The following KEAP1 variants were observed in gnomAD, a reference collection of about 807,000 sequenced individuals.
KEAP1 encodes kelch like ECH associated protein 1.
In KEAP1, 26 loss-of-function variants were observed where a neutral mutation model predicts 59.7. The ratio of observed to expected loss-of-function variants is 0.44; its 90% CI spans 0.32 to 0.60. The LOEUF (loss-of-function observed/expected upper bound fraction) is 0.60. KEAP1 is among the 20% of genes least tolerant of loss of function. The pLI, the probability that KEAP1 is intolerant of heterozygous loss-of-function variation, is 0.06. For missense variants in KEAP1, 539 were observed against 871.4 expected, an observed-to-expected ratio of 0.62 and a Z score of 4.80; for synonymous variants, 350 against 358.3, an observed-to-expected ratio of 0.98 and a Z score of 0.26.
At position 10,489,477 on chromosome 19, in the gene KEAP1, A is replaced by G. The variant is rs920156671; in HGVS notation, c.1532-109T>C. 3.1e-6 allele frequency: 4 copies of G among 1,294,456 alleles called. No homozygotes were observed. In the African/African-American group the frequency reaches 5.9e-5, roughly 19 times the overall value. 80.2% of individuals were successfully genotyped at this position (1,294,456 alleles called of 1,614,324 possible). A position where few individuals can be genotyped will look rare whatever the true frequency, so the allele number is the denominator to read the frequency against. On this transcript the variant is annotated intron_variant, in intron 4 of 5. Transcript: ENST00000171111. ...CTCTCTCCTCTCCCTTCTCACCCTC[A>G]GAAATGAAGCGGGGAGAGAGAGAAG...
chr19:10,488,785 G>A (rs1914562237), intron 5 of KEAP1, among the ~76,000 whole-genome samples: 1 of 151,752 alleles, frequency 6.6e-6, no homozygotes, highest in African/African-American at 2.4e-5. Flanking sequence ...CAAAAAATTA[G>A]CCTGGTGTGG....
chr19:10,493,803 C>G (rs1703586926), intron 2 of KEAP1, among the ~76,000 whole-genome samples: 1 of 151,664 alleles, frequency 6.6e-6, no homozygotes, highest in African/African-American at 2.4e-5. Flanking sequence ...CCTCGTGATC[C>G]GCCCGCCTCG....
intron 4 of KEAP1, 98 bp from the exon 5 acceptor site, chr19:10,489,466 T>G (rs910247017): frequency 8.3e-6 from 11 of 1,329,750 alleles, no homozygotes; most frequent in Middle Eastern, 1.9e-4. Flanking sequence ...CTCCTCTCCC[T>G]TCTCACCCTC....
chr19:10,489,949 T>C (rs1029963059), intron 3 of KEAP1, 96 bp from the exon 4 acceptor site: 50 of 1,220,672 alleles, frequency 4.1e-5, no homozygotes, highest in Middle Eastern at 2.0e-4. Context: ...CTTTTTTTTT[T>C]CCCCCTTAAA....
intron 3 of KEAP1, among the ~76,000 whole-genome samples, chr19:10,490,068 A>G (rs1914617072): frequency 6.6e-6 from 1 of 151,972 alleles, no homozygotes; most frequent in Admixed American, 6.6e-5. Flanking sequence ...CCTGGCCAAC[A>G]TGGTAAAAAC....
At position 10,491,868 on chromosome 19, in the gene KEAP1, T is replaced by C. The variant is rs745523537; in HGVS notation, c.1034A>G (p.Tyr345Cys). ...GAGCCAGGTGCCGTCACTGGGGTTG[T>C]AAGCCTCCAGGTAGCTGAGCGACTG... Reference protein sequence around the residue: ...FRQSLSYLEAYNPSDGTWLRL... With the variant: ...FRQSLSYLEACNPSDGTWLRL... The change falls in exon 3 of 6, where the codon TAC becomes TGC. Residue 345 changes from tyrosine to cysteine, a missense_variant. Physicochemically the swap from Tyr to Cys is radical, Grantham distance 194 (BLOSUM62 -2). Transcript: ENST00000171111. This position sits in a 1 kb window ranked among gnomAD's most constrained non-coding sequence, Gnocchi z 5.2. 8 of 1,612,796 alleles carry C rather than the reference T, an allele frequency of 5.0e-6. No individual in the cohort carries two copies. The highest frequency in any genetic ancestry group is 6.8e-6 in the Non-Finnish European group (8 of 1,179,572).
At chr19:10,489,576 G>A (rs1914597013) in intron 4 of KEAP1, 72 bp downstream of exon 4, 3 of 1,542,350 alleles carry the variant, frequency 1.9e-6, no homozygotes, top group Non-Finnish European at 2.7e-6. Flanking sequence ...TCTCTCCCAG[G>A]CCTGGCTCAG....
Position 10,499,441 on chromosome 19 carries a change from T to G in KEAP1, c.593A>C (p.Glu198Ala), listed in dbSNP as rs1238195929. 6.8e-6 allele frequency: 11 copies of G among 1,613,828 alleles called. No individual in the cohort carries two copies. The highest frequency in any genetic ancestry group is 1.7e-5 in the Admixed American group (1 of 59,944). The change falls in exon 2 of 6, where the codon GAG (glutamate) becomes GCG (alanine). Residue 198 changes from glutamate (E) to alanine (A), a missense_variant. Coordinates refer to ENST00000171111, the MANE Select transcript of KEAP1 (RefSeq NM_203500.2). This position sits in a 1 kb window ranked among gnomAD's most constrained non-coding sequence, Gnocchi z 6.7. ...GTACTCCCGGGCACGCTGGTGCAAC[T>G]CCACACAGCCAATCTGCTCAGCGAA... ...ANFAEQIGCVELHQRAREYIY... is the reference protein window; with the variant it reads ...ANFAEQIGCVALHQRAREYIY...
chr19:10,499,990 C>A lies in KEAP1; in HGVS notation c.44G>T (p.Arg15Leu), dbSNP rs144429440. 1.3e-6 allele frequency: 2 copies of A among 1,579,316 alleles called. No individual in the cohort carries two copies. Among genetic ancestry groups the A allele is most frequent in the South Asian group, 2.3e-5 (2 of 87,570 alleles). The part of the protein sequence containing the change: ...PRPSGAGACC[R>L]FLPLQSQCPE... ...GCACTGTGACTGCAGGGGCAGGAAT[C>A]GGCAGCAGGCCCCAGCCCCGCTAGG... Residue 15 changes from arginine to leucine, a missense_variant, in exon 2 of 6, where the codon CGA (arginine) becomes CTA (leucine). Arg to Leu is a moderately radical substitution (Grantham distance 102, BLOSUM62 -2). Around this residue, in one of 4 missense-constraint regions of KEAP1, gnomAD observed 166 missense variants for 295.8 expected, o/e 0.56. Coordinates refer to ENST00000171111, the MANE Select transcript of KEAP1 (RefSeq NM_203500.2). This position sits in a 1 kb window ranked among gnomAD's most constrained non-coding sequence, Gnocchi z 6.7.
intron 2 of KEAP1, 32 bp from the exon 3 acceptor site, chr19:10,492,294 C>T (rs1296736665): frequency 6.5e-7 from 1 of 1,539,572 alleles, no homozygotes; most frequent in Admixed American, 1.7e-5. Context: ...CGGGCTGACT[C>T]TCCAGTCACC....
rs368633144 is a variant in KEAP1 at position 10,499,388 on chromosome 19, C to T, written c.639+7G>A. 55 of 1,574,722 alleles carry T rather than the reference C, an allele frequency of 3.5e-5. No individual in the cohort carries two copies. The Admixed American group carries it at 3.9e-4, about 11-fold the overall frequency. The stretch of plus-strand genomic sequence containing the variant: ...GACACTGCCCCCAGCCCCACTTCCC[C>T]GCTCACCTCCCCAAAATGCATGTAG... On this transcript the variant is annotated splice_region_variant and intron_variant, in intron 2 of 5. Coordinates refer to ENST00000171111, the MANE Select transcript of KEAP1 (RefSeq NM_203500.2). The surrounding 1 kb of genome is among the most constrained non-coding windows in gnomAD (Gnocchi z 6.7).
chr19:10,492,405 G>C (rs1599484900), intron 2 of KEAP1, 143 bp from the exon 3 acceptor site: 1 of 661,568 alleles, frequency 1.5e-6, no homozygotes. Flanking sequence ...AATAGGAACC[G>C]CGTACATTGT....
At chr19:10,489,084 A>C (rs1914575377) in intron 5 of KEAP1, 108 bp downstream of exon 5, 1 of 948,536 alleles carries the variant, frequency 1.1e-6, no homozygotes. Context: ...ACAGAGCGAG[A>C]CCTTGTTTCT....
chr19:10,486,925 G>GAGCCACCACGCCC, intron 5 of KEAP1, 107 bp from the exon 6 acceptor site: 2 of 1,195,970 alleles, frequency 1.7e-6, no homozygotes, highest in Non-Finnish European at 2.3e-6. Context: ...GGCCGGGCGT[G>GAGCCACCACGCCC]GTGGCTCACG....
intron 4 of KEAP1, 23 bp from the exon 5 acceptor site, chr19:10,489,391 G>T (rs1914591283): frequency 6.3e-7 from 1 of 1,599,230 alleles, no homozygotes; most frequent in South Asian, 1.1e-5. Context: ...ATGCAGAGAA[G>T]GTGACTCTGG....
chr19:10,500,076 G>A lies in KEAP1; in HGVS notation c.-43C>T, dbSNP rs551222060. 6.6e-7 allele frequency: 1 copy of A among 1,514,602 alleles called. No homozygotes were observed. The highest frequency in any genetic ancestry group is 2.2e-5 in the Admixed American group (1 of 45,124). The allele number at this position is 1,514,602 out of a possible 1,614,324, so 93.8% of individuals were successfully genotyped here. ...GCAACACCACCACCTCTGGCACTCA[G>A]GGACCTGGAGGGGAGAGAGCACAGG... On this transcript the variant is annotated 5_prime_UTR_variant, in exon 2 of 6. Transcript: ENST00000171111.
intron 5 of KEAP1, among the ~76,000 whole-genome samples, chr19:10,487,655 AAAAT>A (rs568931061): frequency 1.1e-4 from 16 of 151,826 alleles, no homozygotes; most frequent in Non-Finnish European, 1.9e-4. Context: ...ACTCCACCTC[AAAAT>A]AAATAAATAA....
rs780491344 is a variant in KEAP1 at position 10,489,720 on chromosome 19, C to G, written c.1459G>C (p.Ala487Pro). 1 of 1,613,896 alleles carries G rather than the reference C, an allele frequency of 6.2e-7. No homozygotes were observed. Among genetic ancestry groups the G allele is most frequent in the Non-Finnish European group, 8.5e-7 (1 of 1,180,032 alleles). Residue 487 changes from alanine to proline, a missense_variant, in exon 4 of 6, where the codon GCT becomes CCT. Physicochemically the swap from Ala to Pro is conservative, Grantham distance 27. Transcript: ENST00000171111. The part of the protein sequence containing the change: ...GFDGTNRLNS[A>P]ECYYPERNEW... ...TTCCTCTCTGGGTAGTAACACTCAGCTGAATTAAGGCGGTTTGTCCCGTCA... is the reference window on the plus strand; with the variant it reads ...TTCCTCTCTGGGTAGTAACACTCAGGTGAATTAAGGCGGTTTGTCCCGTCA...
At chr19:10,494,932 G>A (rs915441225) in intron 2 of KEAP1, among the ~76,000 whole-genome samples, 9 of 151,444 alleles carry the variant, frequency 5.9e-5, no homozygotes, top group African/African-American at 2.2e-4. Context: ...GGGATTACAG[G>A]CGTGAGCCAA....
Sources: gnomAD v4.1 joint callset for allele counts (sites outside exome capture counted in the v4.1 genomes callset) on GRCh38, gnomAD v4.1.1 for gene constraint, gnomAD v4.1.1 regional missense constraint, Gnocchi (gnomAD v3.1) non-coding constraint, MANE v1.5 for transcripts, NCBI Gene and HGNC (gene_info 2026-07-23, HGNC 2026-07-21) for gene names.